The following FGGY variants were observed in gnomAD, a reference collection of about 807,000 sequenced individuals.
FGGY encodes FGGY carbohydrate kinase domain containing.
In FGGY, 72 loss-of-function variants were observed where a neutral mutation model predicts 71.3. The observed-to-expected ratio is 1.01, with a 90% CI of 0.84 to 1.23. The LOEUF (loss-of-function observed/expected upper bound fraction) is 1.23, where lower values mean the gene tolerates loss of function less well. Among genes scored for constraint, FGGY ranks in the 50% most tolerant of loss-of-function variants. The pLI is 0.00. For missense variants in FGGY, 668 were observed against 682.3 expected (o/e 0.98, Z 0.23); for synonymous variants, 251 against 250.3 (o/e 1.00, Z -0.02).
At chr1:59,360,103 T>A in intron 4 of FGGY, among the ~76,000 whole-genome samples, 1 of 150,834 alleles carries the variant, frequency 6.6e-6, no homozygotes, top group East Asian at 1.9e-4. Flanking sequence ...TTATTGATAA[T>A]AAGAACTTTA....
At chr1:59,319,651 G>T (rs2046040096) in intron 1 of FGGY, among the ~76,000 whole-genome samples, 1 of 152,176 alleles carries the variant, frequency 6.6e-6, no homozygotes, top group South Asian at 2.1e-4. Flanking sequence ...AAAGGATTGG[G>T]GCAGCCTTTA....
chr1:59,492,935 A>G (rs986388722), intron 6 of FGGY, among the ~76,000 whole-genome samples: 2 of 152,054 alleles, frequency 1.3e-5, no homozygotes, highest in East Asian at 1.9e-4. Flanking sequence ...GGTTGCTTCA[A>G]ATTGTTAAAT....
intron 13 of FGGY, among the ~76,000 whole-genome samples, chr1:59,669,263 G>T (rs2153973342): frequency 6.6e-6 from 1 of 152,224 alleles, no homozygotes; most frequent in African/African-American, 2.4e-5. Flanking sequence ...GTGTGTCGGG[G>T]CCCACCGTCC....
chr1:59,311,592 G>C (rs187120633), intron 1 of FGGY, among the ~76,000 whole-genome samples: 60 of 152,102 alleles, frequency 3.9e-4, no homozygotes, highest in Admixed American at 3.8e-3. Context: ...TTATGGCTGT[G>C]TAGTATTCTA....
intron 6 of FGGY, among the ~76,000 whole-genome samples, chr1:59,484,465 G>A (rs972301020): frequency 6.6e-6 from 1 of 152,096 alleles, no homozygotes; most frequent in Non-Finnish European, 1.5e-5. Flanking sequence ...TAGAAATCTG[G>A]TAAGCTTGCC....
At chr1:59,366,304 C>T (rs914399693) in intron 4 of FGGY, among the ~76,000 whole-genome samples, 2 of 152,190 alleles carry the variant, frequency 1.3e-5, no homozygotes, top group African/African-American at 2.4e-5. Context: ...AACAAGTCCT[C>T]ATCTAATGGG....
At chr1:59,491,316 A>T (rs79985025) in intron 6 of FGGY, among the ~76,000 whole-genome samples, 228 of 151,472 alleles carry the variant, frequency 1.5e-3, no homozygotes, top group African/African-American at 4.9e-3. Flanking sequence ...TTTGGGTAGT[A>T]TGGTCATTTA....
intron 5 of FGGY, among the ~76,000 whole-genome samples, chr1:59,396,332 G>A (rs1005691692): frequency 6.6e-6 from 1 of 152,168 alleles, no homozygotes; most frequent in African/African-American, 2.4e-5. Flanking sequence ...GAATGTTTTT[G>A]CTAAAGTTTC....
intron 4 of FGGY, among the ~76,000 whole-genome samples, chr1:59,356,241 C>A (rs2054288618): frequency 6.6e-6 from 1 of 152,150 alleles, no homozygotes; most frequent in Non-Finnish European, 1.5e-5. Context: ...TACTTTTCCT[C>A]TAGCAAGCGC....
chr1:59,658,140 T>G lies in FGGY; in HGVS notation c.1222-2079T>G, dbSNP rs543856703. Among the ~76,000 whole-genome samples the G allele has an allele frequency of 3.3e-5, 5 of 152,286 alleles. No homozygotes were observed. In the South Asian group the frequency reaches 1.0e-3, roughly 32 times the overall value. On this transcript the variant is annotated intron_variant, in intron 11 of 15. Coordinates refer to ENST00000303721, the MANE Select transcript of FGGY (RefSeq NM_018291.5). The stretch of plus-strand genomic sequence containing the variant: ...CAGGCACAGCACTGGACATTAGAGC[T>G]TTGGTGAGTAAGACGAGCAAAGACC...
chr1:59,456,302 T>C (rs1158113296), intron 5 of FGGY, among the ~76,000 whole-genome samples: 2 of 152,138 alleles, frequency 1.3e-5, no homozygotes, highest in African/African-American at 4.8e-5. Flanking sequence ...CAACTACCAA[T>C]ATCATATCTA....
At chr1:59,502,775 G>A (rs1223854946) in intron 6 of FGGY, among the ~76,000 whole-genome samples, 1 of 152,170 alleles carries the variant, frequency 6.6e-6, no homozygotes, top group Non-Finnish European at 1.5e-5. Context: ...CCTTCTCTGG[G>A]TTCAGTTTTC....
chr1:59,361,247 A>G (rs2055449074), intron 4 of FGGY, among the ~76,000 whole-genome samples: 1 of 152,220 alleles, frequency 6.6e-6, no homozygotes, highest in Non-Finnish European at 1.5e-5. Context: ...ACTTTGTTAA[A>G]TATTGGGAAT....
At chr1:59,300,594 A>G (rs1569861596) in intron 1 of FGGY, among the ~76,000 whole-genome samples, 2 of 152,090 alleles carry the variant, frequency 1.3e-5, no homozygotes, top group African/African-American at 4.8e-5. Flanking sequence ...TATTCTTCCT[A>G]TTTTTAAAAG....
intron 7 of FGGY, among the ~76,000 whole-genome samples, chr1:59,538,179 C>T (rs1048108697): frequency 5.9e-5 from 9 of 152,106 alleles, no homozygotes; most frequent in East Asian, 1.9e-4. Flanking sequence ...AAAAAGTGGG[C>T]GAGGGACATA....
intron 1 of FGGY, among the ~76,000 whole-genome samples, chr1:59,319,622 G>T (rs1411554367): frequency 1.3e-5 from 2 of 152,184 alleles, no homozygotes; most frequent in African/African-American, 2.4e-5. Context: ...GGAAAGGAGA[G>T]AATTAGGAAG....
rs1286978469 is a variant in FGGY, at chr1:59,497,006, G to A, written c.671-15305G>A. 3.3e-5 allele frequency among the ~76,000 whole-genome samples: 5 copies of A among 152,200 alleles called. No individual in the cohort carries two copies. The East Asian group carries it at 9.6e-4, about 29-fold the overall frequency. On this transcript the variant is annotated intron_variant, in intron 6 of 15. Transcript: ENST00000303721. Reference sequence around the variant, plus strand: ...ATGTTAGGTGTTATGGCAATAATGAGGGGGGCCTAACTACCACAACTCTGG... The same window carrying A: ...ATGTTAGGTGTTATGGCAATAATGAAGGGGGCCTAACTACCACAACTCTGG...
intron 6 of FGGY, among the ~76,000 whole-genome samples, chr1:59,474,611 G>A (rs1455163010): frequency 6.6e-6 from 1 of 152,198 alleles, no homozygotes; most frequent in Non-Finnish European, 1.5e-5. Context: ...GTCAAGGAGG[G>A]AACGATTTAC....
At chr1:59,388,982 C>G (rs2060397824) in intron 5 of FGGY, among the ~76,000 whole-genome samples, 2 of 152,070 alleles carry the variant, frequency 1.3e-5, no homozygotes, top group South Asian at 4.2e-4. Flanking sequence ...GGGTCTTGCT[C>G]TGTCGCCCAG....
Sources: gnomAD v4.1 joint callset for allele counts (sites outside exome capture counted in the v4.1 genomes callset) on GRCh38, gnomAD v4.1.1 for gene constraint, MANE v1.5 for transcripts, NCBI Gene and HGNC (gene_info 2026-07-23, HGNC 2026-07-21) for gene names.